Variants in ANKRD11 observed in about 807,000 individuals in gnomAD.
ANKRD11 encodes the protein ankyrin repeat domain-containing protein 11.
Under a neutral mutation model 195.7 loss-of-function variants are expected in ANKRD11, and 17 were observed. That is an observed-to-expected ratio of 0.09 (90% CI 0.06 to 0.13). ANKRD11 has a LOEUF of 0.13. ANKRD11 is among the 10% of genes least tolerant of loss of function. The pLI, the probability that ANKRD11 is intolerant of heterozygous loss-of-function variation, is 1.00. For missense variants in ANKRD11, 3,735 were observed against 3,566.1 expected, an observed-to-expected ratio of 1.05 and a Z score of -1.21; for synonymous variants, 1,953 against 1,528.1, an observed-to-expected ratio of 1.28 and a Z score of -6.49.
chr16:89,444,861 C>G (rs1446815224), intron 1 of ANKRD11, among the ~76,000 whole-genome samples: 1 of 152,136 alleles, frequency 6.6e-6, no homozygotes, highest in Non-Finnish European at 1.5e-5. Context: ...CCAAGTAACC[C>G]TACAGTGTGA....
rs201278036 is a variant in ANKRD11 at position 89,281,291 on chromosome 16, C to T, written c.5251G>A (p.Ala1751Thr). ...GAGGGGGAGCAGGCGCTGGTGGGAG[C>T]GGTGGGCACGGGCGTGGAGTGCTGC... ...DSQHSTPVPT[A>T]PTSACSPSFF... is the part of the protein sequence containing the mutation. The change falls in exon 9 of 13, where the codon GCT becomes ACT. Residue 1751 changes from alanine (A) to threonine (T), a missense_variant. Ala to Thr is a moderately conservative substitution (Grantham distance 58). Coordinates refer to ENST00000301030, the MANE Select transcript of ANKRD11 (RefSeq NM_013275.6). This position sits in a 1 kb window ranked among gnomAD's most constrained non-coding sequence, Gnocchi z 5.5. The T allele has an allele frequency of 1.4e-5, 22 of 1,614,038 alleles. No homozygotes were observed. The highest frequency in any genetic ancestry group is 1.7e-5 in the Admixed American group (1 of 60,000).
chr16:89,333,549 C>T (rs926584788), intron 2 of ANKRD11, among the ~76,000 whole-genome samples: 68 of 152,350 alleles, frequency 4.5e-4, no homozygotes, highest in Non-Finnish European at 5.3e-4. Context: ...CAGCCCCTGG[C>T]GTCACTGATC....
chr16:89,413,522 G>A, intron 2 of ANKRD11, among the ~76,000 whole-genome samples: 1 of 152,192 alleles, frequency 6.6e-6, no homozygotes, highest in Non-Finnish European at 1.5e-5. Context: ...CTACTTGGGA[G>A]GCTGAGGCAG....
intron 2 of ANKRD11, among the ~76,000 whole-genome samples, chr16:89,384,879 C>CCTTTTTTTTTTTTTT (rs2040832561): frequency 2.0e-5 from 1 of 49,910 alleles, no homozygotes; most frequent in African/African-American, 7.9e-5. Context: ...AAATAGTTTT[C>CCTTTTTTTTTTTTTT]TTTTTTTTTT....
chr16:89,289,007 G>A (rs925715582), intron 6 of ANKRD11: 7 of 405,514 alleles, frequency 1.7e-5, no homozygotes, highest in African/African-American at 1.2e-4. Context: ...ATCTGGAGGC[G>A]TATGTGCCTT....
rs1361757335 is a variant in ANKRD11, at chr16:89,279,730, G to C, written c.6812C>G (p.Pro2271Arg). ...CACAGTGTTCGGGGCGGGGCCGTCA[G>C]GGGCACAGAGGGACGCGGCGGGGGG... Reference protein sequence around the residue: ...EGPPAASLCAPDGPAPNTVAQ... With the variant: ...EGPPAASLCARDGPAPNTVAQ... Residue 2271 changes from proline (P) to arginine (R), a missense_variant, in exon 9 of 13, where the codon CCT (proline) becomes CGT (arginine). Transcript: ENST00000301030. This position sits in a 1 kb window ranked among gnomAD's most constrained non-coding sequence, Gnocchi z 5.6. 6.5e-7 allele frequency: 1 copy of C among 1,537,452 alleles called. No homozygotes were observed. Among genetic ancestry groups the C allele is most frequent in the East Asian group, 2.4e-5 (1 of 41,798 alleles).
intron 3 of ANKRD11, among the ~76,000 whole-genome samples, chr16:89,310,216 C>A (rs538197975): frequency 6.6e-6 from 1 of 152,132 alleles, no homozygotes; most frequent in East Asian, 1.9e-4. Context: ...GTGCGGGGTC[C>A]GCCTGTGTGT....
At chr16:89,451,655 G>A (rs2044079694) in intron 1 of ANKRD11, among the ~76,000 whole-genome samples, 1 of 152,048 alleles carries the variant, frequency 6.6e-6, no homozygotes, top group South Asian at 2.1e-4. Flanking sequence ...GACCTCAGGT[G>A]ATCTGCAAGC....
Position 89,279,414 on chromosome 16 carries a change from G to C in ANKRD11, c.7128C>G (p.Asp2376Glu), listed in dbSNP as rs4785560. 128,785 of 1,533,832 alleles carry C rather than the reference G, an allele frequency of 0.084. 8,135 individuals carry two copies. Among genetic ancestry groups the C allele is most frequent in the East Asian group, 0.38 (15,402 of 40,852 alleles). Residue 2376 changes from aspartate to glutamate, a missense_variant, in exon 9 of 13, where the codon GAC (aspartate) becomes GAG (glutamate). Coordinates refer to ENST00000301030, the MANE Select transcript of ANKRD11 (RefSeq NM_013275.6). This position sits in a 1 kb window ranked among gnomAD's most constrained non-coding sequence, Gnocchi z 5.6. ...VTRAKARGSEDDDAQAQHPRK... is the reference protein window; with the variant it reads ...VTRAKARGSEEDDAQAQHPRK... ...GCGGATGCTGGGCCTGGGCGTCGTC[G>C]TCCTCGGAGCCGCGGGCCTTGGCCC...
intron 2 of ANKRD11, among the ~76,000 whole-genome samples, chr16:89,357,922 A>G (rs945471450): frequency 6.6e-6 from 1 of 152,238 alleles, no homozygotes; most frequent in African/African-American, 2.4e-5. Context: ...CTGGGATGAA[A>G]GTAATGAAAA....
intron 1 of ANKRD11, among the ~76,000 whole-genome samples, chr16:89,469,167 G>T (rs180761620): frequency 1.3e-5 from 2 of 151,522 alleles, no homozygotes; most frequent in Non-Finnish European, 2.9e-5. Flanking sequence ...GCCACAGGGC[G>T]AGGCTCTGTT....
intron 1 of ANKRD11, among the ~76,000 whole-genome samples, chr16:89,461,270 G>A (rs1271350752): frequency 2.6e-5 from 4 of 151,308 alleles, no homozygotes; most frequent in South Asian, 2.1e-4. Flanking sequence ...GGGGAGAGTC[G>A]AGGTTATGGG....
chr16:89,328,536 G>A (rs1478357373), intron 2 of ANKRD11, among the ~76,000 whole-genome samples: 1 of 151,930 alleles, frequency 6.6e-6, no homozygotes, highest in South Asian at 2.1e-4. Flanking sequence ...ACACCCAAGC[G>A]TATGGGTGAA....
chr16:89,270,421 G>A, intron 12 of ANKRD11: 2 of 352,666 alleles, frequency 5.7e-6, no homozygotes, highest in South Asian at 2.3e-5. Context: ...ACCGGGATAA[G>A]GGTGTGCTGC....
chr16:89,405,553 C>A (rs1324499665), intron 2 of ANKRD11, among the ~76,000 whole-genome samples: 1 of 146,974 alleles, frequency 6.8e-6, no homozygotes, highest in Non-Finnish European at 1.5e-5. Context: ...GGGCTGGTCT[C>A]GAACTCCTGG....
chr16:89,279,900 G>A lies in ANKRD11; in HGVS notation c.6642C>T (p.Asp2214=), dbSNP rs367564163. The A allele has an allele frequency of 8.1e-6, 13 of 1,607,390 alleles. No individual in the cohort carries two copies. Among genetic ancestry groups the A allele is most frequent in the African/African-American group, 6.7e-5 (5 of 74,900 alleles). ...EPEPSGEPKL[D]VALEAAVEAE... ...CCTCCACCGCAGCTTCTAGAGCCAC[G>A]TCCAGCTTTGGCTCCCCTGAGGGCT... The change falls in exon 9 of 13, where the codon GAC becomes GAT. Residue 2214 remains aspartate (D), a synonymous_variant. Coordinates refer to ENST00000301030, the MANE Select transcript of ANKRD11 (RefSeq NM_013275.6). The surrounding 1 kb of genome is among the most constrained non-coding windows in gnomAD (Gnocchi z 5.6).
intron 2 of ANKRD11, among the ~76,000 whole-genome samples, chr16:89,338,367 G>T (rs112366555): frequency 6.8e-6 from 1 of 147,862 alleles, no homozygotes; most frequent in South Asian, 2.2e-4. Flanking sequence ...CTGCAAAATT[G>T]AAACATGGGT....
chr16:89,279,969 A>G lies in ANKRD11; in HGVS notation c.6573T>C (p.Pro2191=), dbSNP rs929288226. ...TVVAEEPPAL[P]PDQASTRLPA... The stretch of plus-strand genomic sequence containing the variant: ...GGAGCCGGGTGGAGGCCTGGTCAGG[A>G]GGCAGTGCCGGCGGCTCCTCAGCCA... The change falls in exon 9 of 13, where the codon CCT becomes CCC. Residue 2191 remains proline (P), a synonymous_variant. Transcript: ENST00000301030. This position sits in a 1 kb window ranked among gnomAD's most constrained non-coding sequence, Gnocchi z 5.6. 3.7e-6 allele frequency: 6 copies of G among 1,610,654 alleles called. No individual in the cohort carries two copies. In the Middle Eastern group the frequency reaches 5.0e-4, roughly 133 times the overall value.
At chr16:89,270,501 G>A in intron 12 of ANKRD11, 1 of 427,938 alleles carries the variant, frequency 2.3e-6, no homozygotes, top group South Asian at 2.1e-5. Flanking sequence ...GAGGGTGAAT[G>A]CTGGGACCTT....
Sources: allele counts gnomAD v4.1 joint callset (sites outside exome capture counted in the v4.1 genomes callset), GRCh38; gene constraint gnomAD v4.1.1; non-coding constraint Gnocchi (gnomAD v3.1); transcripts MANE v1.5; gene names NCBI Gene and HGNC (gene_info 2026-07-23, HGNC 2026-07-21).